The following TLN2 variants were observed in gnomAD, a reference collection of about 807,000 sequenced individuals.
TLN2 encodes the protein talin-2.
Under a neutral mutation model 294.7 loss-of-function variants are expected in TLN2, and 118 were observed. The observed-to-expected ratio is 0.40, with a 90% confidence interval of 0.34 to 0.47. The LOEUF is 0.47. Among genes scored for constraint, TLN2 ranks in the 20% least tolerant of loss-of-function variants. The pLI is 0.84. For missense variants in TLN2, 3,083 were observed against 3,282.2 expected (o/e 0.94, Z 1.48); for synonymous variants, 1,431 against 1,304.5 (o/e 1.10, Z -2.09).
intron 1 of TLN2, among the ~76,000 whole-genome samples, chr15:62,458,157 G>T (rs2036586708): frequency 6.6e-6 from 1 of 152,094 alleles, no homozygotes; most frequent in South Asian, 2.1e-4. Context: ...CCTCTGCAGT[G>T]GTGTGGGCAT....
At chr15:62,724,223 G>A (rs1463581255) in intron 26 of TLN2, among the ~76,000 whole-genome samples, 6 of 152,166 alleles carry the variant, frequency 3.9e-5, no homozygotes, top group Non-Finnish European at 8.8e-5. Context: ...AGACAAGTTA[G>A]TTAACCTCTC....
intron 1 of TLN2, among the ~76,000 whole-genome samples, chr15:62,471,232 G>A (rs1262460213): frequency 1.3e-5 from 2 of 152,154 alleles, no homozygotes; most frequent in Non-Finnish European, 2.9e-5. Context: ...AGCTACTCGG[G>A]GGACTGAGAG....
chr15:62,438,915 C>A (rs776168049), intron 1 of TLN2, among the ~76,000 whole-genome samples: 3 of 152,136 alleles, frequency 2.0e-5, no homozygotes, highest in Non-Finnish European at 4.4e-5. Flanking sequence ...GTCATACTTC[C>A]TACTCTTAAT....
intron 2 of TLN2, among the ~76,000 whole-genome samples, chr15:62,606,230 C>T (rs568482652): frequency 1.2e-3 from 185 of 151,530 alleles, no homozygotes; most frequent in Admixed American, 5.7e-3. Flanking sequence ...TATAGGCACC[C>T]ACCACCATGC....
intron 42 of TLN2, among the ~76,000 whole-genome samples, chr15:62,772,819 C>T (rs958100298): frequency 5.3e-5 from 8 of 152,164 alleles, no homozygotes; most frequent in Admixed American, 2.0e-4. Context: ...CCTGCCACCA[C>T]ACCCAGCTAA....
At chr15:62,607,644 C>G (rs561360161) in intron 2 of TLN2, among the ~76,000 whole-genome samples, 2 of 152,274 alleles carry the variant, frequency 1.3e-5, no homozygotes, top group South Asian at 2.1e-4. Flanking sequence ...AGAAGGGGCC[C>G]TTTTGGTTTT....
chr15:62,666,449 C>T (rs1165186673), intron 9 of TLN2, among the ~76,000 whole-genome samples: 2 of 152,130 alleles, frequency 1.3e-5, no homozygotes, highest in African/African-American at 4.8e-5. Flanking sequence ...AGCATGCCAC[C>T]CATACCAGAC....
chr15:62,649,986 A>G (rs1253842723), intron 4 of TLN2, 98 bp from the exon 5 acceptor site: 1 of 1,155,600 alleles, frequency 8.7e-7, no homozygotes, highest in African/African-American at 1.5e-5. Context: ...GAAGGAGAAC[A>G]CCCACATCCT....
At position 62,810,016 on chromosome 15, in the gene TLN2, T is replaced by C. The variant is rs748695217; in HGVS notation, c.6755T>C (p.Leu2252Pro). The change falls in exon 52 of 59, where the codon CTG becomes CCG. Residue 2252 changes from leucine (L) to proline (P), a missense_variant. Coordinates refer to ENST00000636159, the MANE Select transcript of TLN2 (RefSeq NM_015059.3). ...TGCACCCTTGGCTACTTGGACCTCC[T>C]GGAGCACGTCTTGGTGGTAAGAAAG... is the stretch of plus-strand genomic sequence containing the variant. ...TECTLGYLDL[L>P]EHVLVILQKP... The C allele has an allele frequency of 6.2e-7, 1 of 1,613,734 alleles. No homozygotes were observed. Among genetic ancestry groups the C allele is most frequent in the South Asian group, 1.1e-5 (1 of 91,008 alleles).
intron 22 of TLN2, among the ~76,000 whole-genome samples, chr15:62,713,391 A>G (rs1356217739): frequency 6.6e-6 from 1 of 151,724 alleles, no homozygotes; most frequent in Non-Finnish European, 1.5e-5. Flanking sequence ...CTTAAAATGT[A>G]TTGTGGGCTG....
At chr15:62,490,665 A>T (rs924328087) in intron 1 of TLN2, among the ~76,000 whole-genome samples, 1 of 152,154 alleles carries the variant, frequency 6.6e-6, no homozygotes, top group African/African-American at 2.4e-5. Flanking sequence ...AGACACAGCT[A>T]TATGTCACTT....
intron 1 of TLN2, among the ~76,000 whole-genome samples, chr15:62,460,767 A>T (rs4488396): frequency 0.32 from 48,345 of 152,092 alleles, 8,761 homozygotes; most frequent in Middle Eastern, 0.43. Flanking sequence ...AAATGAACAC[A>T]AATCATAACT....
chr15:62,672,041 G>GT (rs1301863159), intron 9 of TLN2, among the ~76,000 whole-genome samples: 1 of 152,060 alleles, frequency 6.6e-6, no homozygotes, highest in Non-Finnish European at 1.5e-5. Context: ...TGATCATTGG[G>GT]TTTAGATGTT....
At chr15:62,447,308 G>A (rs549655862) in intron 1 of TLN2, among the ~76,000 whole-genome samples, 12 of 152,100 alleles carry the variant, frequency 7.9e-5, no homozygotes, top group East Asian at 5.8e-4. Context: ...AAAGTTTTAC[G>A]AGGTAGTGGG....
At chr15:62,540,361 T>TTC (rs938848748) in intron 1 of TLN2, among the ~76,000 whole-genome samples, 12 of 150,752 alleles carry the variant, frequency 8.0e-5, no homozygotes, top group Non-Finnish European at 1.3e-4. Flanking sequence ...ATAAACTTTT[T>TTC]TTTTTTTTTT....
intron 32 of TLN2, among the ~76,000 whole-genome samples, chr15:62,745,219 A>G (rs535352804): frequency 1.2e-4 from 19 of 152,352 alleles, no homozygotes; most frequent in Non-Finnish European, 2.4e-4. Flanking sequence ...CTGAGAGTAG[A>G]TAGATAAGCC....
At position 62,478,773 on chromosome 15, in the gene TLN2, G is replaced by A. The variant is rs567995399; in HGVS notation, c.-238+88088G>A. Among the ~76,000 whole-genome samples the A allele has an allele frequency of 2.6e-5, 4 of 152,304 alleles. No individual in the cohort carries two copies. The East Asian group carries it at 5.8e-4, about 22-fold the overall frequency. Reference sequence around the variant, plus strand: ...TCCAAGTGACCTCGCTCTGGTCAGAGTTATTTCGTCTATTTTGTATTAGAT... The same window carrying A: ...TCCAAGTGACCTCGCTCTGGTCAGAATTATTTCGTCTATTTTGTATTAGAT... On this transcript the variant is annotated intron_variant, in intron 1 of 58. Coordinates refer to ENST00000636159, the MANE Select transcript of TLN2 (RefSeq NM_015059.3).
chr15:62,542,693 G>A (rs1025544756), intron 1 of TLN2, among the ~76,000 whole-genome samples: 14 of 152,212 alleles, frequency 9.2e-5, no homozygotes, highest in African/African-American at 3.1e-4. Context: ...TCAATCCAGG[G>A]ATTCGTGTTG....
intron 51 of TLN2, among the ~76,000 whole-genome samples, chr15:62,806,599 T>C (rs2141162574): frequency 6.6e-6 from 1 of 152,284 alleles, no homozygotes; most frequent in South Asian, 2.1e-4. Flanking sequence ...CTCTGTTCCT[T>C]AGGTAGATAG....
Sources: gnomAD v4.1 joint callset for allele counts (sites outside exome capture counted in the v4.1 genomes callset) on GRCh38, gnomAD v4.1.1 for gene constraint, MANE v1.5 for transcripts, NCBI Gene and HGNC (gene_info 2026-07-23, HGNC 2026-07-21) for gene names.